The following SLC30A4 variants were observed in gnomAD, a reference collection of about 807,000 sequenced individuals.
SLC30A4 encodes probable proton-coupled zinc antiporter SLC30A4.
Under a neutral mutation model 41.7 loss-of-function variants are expected in SLC30A4, and 20 were observed. The ratio of observed to expected loss-of-function variants is 0.48; its 90% CI spans 0.34 to 0.70. The LOEUF is 0.70. SLC30A4 is among the 30% of genes least tolerant of loss of function. The pLI is 0.01. For missense variants in SLC30A4, 441 were observed against 529.3 expected (o/e 0.83, Z 1.64); for synonymous variants, 181 against 195.9 (o/e 0.92, Z 0.64).
intron 3 of SLC30A4, among the ~76,000 whole-genome samples, chr15:45,507,475 CCTGGTTCTGTTCTT>C (rs1892185888): frequency 6.6e-6 from 1 of 150,710 alleles, no homozygotes; most frequent in African/African-American, 2.4e-5. Context: ...AAACTTTTCT[CCTGGTTCTGTTCTT>C]TTCTTTTTCC....
At chr15:45,495,278 T>C (rs1891889298) in intron 3 of SLC30A4, among the ~76,000 whole-genome samples, 1 of 152,240 alleles carries the variant, frequency 6.6e-6, no homozygotes, top group African/African-American at 2.4e-5. Flanking sequence ...TCAAAACCCC[T>C]TATATAATTA....
At chr15:45,509,945 G>A (rs932725402) in intron 3 of SLC30A4, among the ~76,000 whole-genome samples, 10 of 152,114 alleles carry the variant, frequency 6.6e-5, no homozygotes, top group Admixed American at 4.6e-4. Flanking sequence ...GCTAGTGCAC[G>A]CCTATAGTCC....
intron 3 of SLC30A4, among the ~76,000 whole-genome samples, chr15:45,491,780 A>G (rs7165846): frequency 0.085 from 12,881 of 152,048 alleles, 1,815 homozygotes; most frequent in African/African-American, 0.29. Flanking sequence ...GAGGTGGGAG[A>G]ATTGTTTAAA....
intron 3 of SLC30A4, among the ~76,000 whole-genome samples, chr15:45,500,304 C>T (rs989470066): frequency 6.6e-6 from 1 of 152,144 alleles, no homozygotes; most frequent in African/African-American, 2.4e-5. Context: ...ATTTTCCTTA[C>T]CACATTATTT....
At position 45,487,808 on chromosome 15, in the gene SLC30A4, G is replaced by A. The variant is rs144886450; in HGVS notation, c.895-176C>T. Among the ~76,000 whole-genome samples, 282 of 152,218 alleles carry A rather than the reference G, an allele frequency of 1.9e-3. No individual in the cohort carries two copies. In the Middle Eastern group the frequency reaches 0.044, roughly 24 times the overall value. ...CTTCACTCTATCCTAGACAGTTTAC[G>A]TTACTTGCCTCATGGGACCTATTTC... is the stretch of plus-strand genomic sequence containing the variant. On this transcript the variant is annotated intron_variant, in intron 5 of 7. Transcript: ENST00000261867.
At chr15:45,500,462 G>T (rs767238288) in intron 3 of SLC30A4, among the ~76,000 whole-genome samples, 55 of 152,094 alleles carry the variant, frequency 3.6e-4, no homozygotes, top group Non-Finnish European at 7.1e-4. Context: ...GTTCTAAGTG[G>T]TAAGAACTAA....
intron 2 of SLC30A4, chr15:45,515,632 G>A (rs375579955): frequency 5.9e-5 from 9 of 151,934 alleles, no homozygotes; most frequent in Admixed American, 1.3e-4. Flanking sequence ...CAGCCTGGGC[G>A]ACAGTGCAAG....
intron 3 of SLC30A4, among the ~76,000 whole-genome samples, chr15:45,496,028 T>C (rs1226192882): frequency 6.6e-6 from 1 of 152,122 alleles, no homozygotes; most frequent in East Asian, 1.9e-4. Flanking sequence ...TCTTCTGGGA[T>C]AGAGTAGTAA....
chr15:45,487,960 A>AGTGTGTGTGTGTGT (rs58392709), intron 5 of SLC30A4, among the ~76,000 whole-genome samples: 42 of 139,778 alleles, frequency 3.0e-4, no homozygotes, highest in African/African-American at 1.1e-3. Context: ...GCTGGAAAAA[A>AGTGTGTGTGTGTGT]GTGTGTGTGT....
chr15:45,490,365 A>T (rs1036039293), intron 4 of SLC30A4, among the ~76,000 whole-genome samples: 2 of 152,206 alleles, frequency 1.3e-5, no homozygotes, highest in Admixed American at 6.5e-5. Context: ...TTGGGACTAT[A>T]GGTGTGAACC....
Position 45,489,022 on chromosome 15 carries a change from T to C in SLC30A4, c.713A>G (p.Gln238Arg). 3 of 1,613,138 alleles carry C rather than the reference T, an allele frequency of 1.9e-6. No homozygotes were observed. Among genetic ancestry groups the C allele is most frequent in the Non-Finnish European group, 2.5e-6 (3 of 1,179,366 alleles). ...VNVIMGFLLN[Q>R]SGHRHSHSHS... ...GGAATGGGAGTGACGGTGACCAGAC[T>C]GGTTCAACAGAAACCCCATTCTGTT... The change falls in exon 5 of 8, where the codon CAG (glutamine) becomes CGG (arginine). Residue 238 changes from glutamine to arginine, a missense_variant. Transcript: ENST00000261867.
intron 2 of SLC30A4, among the ~76,000 whole-genome samples, chr15:45,521,289 T>C (rs990705485): frequency 1.3e-5 from 2 of 152,232 alleles, no homozygotes; most frequent in African/African-American, 4.8e-5. Context: ...AAAACCAGGC[T>C]CATAGAACTT....
intron 3 of SLC30A4, among the ~76,000 whole-genome samples, chr15:45,492,313 C>T (rs547402341): frequency 1.3e-5 from 2 of 149,830 alleles, no homozygotes; most frequent in East Asian, 3.9e-4. Context: ...TACCACACAA[C>T]CATTTATTTT....
chr15:45,491,029 A>T, intron 3 of SLC30A4, 148 bp from the exon 4 acceptor site: 1 of 545,200 alleles, frequency 1.8e-6, no homozygotes, highest in Non-Finnish European at 3.0e-6. Context: ...TTTCTTATTT[A>T]TTTTTTTGAG....
intron 2 of SLC30A4, 72 bp downstream of exon 2, chr15:45,521,892 C>A (rs1295713271): frequency 2.0e-6 from 3 of 1,474,548 alleles, no homozygotes; most frequent in African/African-American, 2.8e-5. Context: ...AACCTCAAAG[C>A]CTGTGTAACT....
chr15:45,517,345 C>CTTTTTTTTTTTTTTT (rs1166130286), intron 2 of SLC30A4, among the ~76,000 whole-genome samples: 2 of 65,576 alleles, frequency 3.0e-5, no homozygotes, highest in Non-Finnish European at 5.4e-5. Context: ...CCAATCCATT[C>CTTTTTTTTTTTTTTT]TTTTTTTTTT....
chr15:45,480,398 A>G lies in SLC30A4; in HGVS notation c.*4765T>C, dbSNP rs1022332873. On this transcript the variant is annotated 3_prime_UTR_variant, in exon 8 of 8. Coordinates refer to ENST00000261867, the MANE Select transcript of SLC30A4 (RefSeq NM_013309.6). Reference sequence around the variant, plus strand: ...CAAATCTCAAGACCTGGTTGTCAAGATTCATACGACACATCTGGAGTTAGG... The same window carrying G: ...CAAATCTCAAGACCTGGTTGTCAAGGTTCATACGACACATCTGGAGTTAGG... The G allele has an allele frequency of 3.9e-5, 6 of 152,242 alleles. No homozygotes were observed. Among genetic ancestry groups the G allele is most frequent in the African/African-American group, 1.4e-4 (6 of 41,466 alleles). The allele number at this position is 152,242 out of a possible 1,614,324, so 9.4% of individuals were successfully genotyped here. A position where few individuals can be genotyped will look rare whatever the true frequency, so the allele number is the denominator to read the frequency against.
chr15:45,520,949 A>C, intron 2 of SLC30A4: 1 of 437,624 alleles, frequency 2.3e-6, no homozygotes, highest in Non-Finnish European at 4.6e-6. Context: ...AGGCAAAAAG[A>C]GCTTTGTGAG....
chr15:45,518,630 T>A (rs1344276443), intron 2 of SLC30A4, among the ~76,000 whole-genome samples: 3 of 152,162 alleles, frequency 2.0e-5, no homozygotes, highest in Non-Finnish European at 4.4e-5. Flanking sequence ...CAGCCGGATC[T>A]CAGCTCACTG....
Sources: allele counts gnomAD v4.1 joint callset (sites outside exome capture counted in the v4.1 genomes callset), GRCh38; gene constraint gnomAD v4.1.1; transcripts MANE v1.5; gene names NCBI Gene and HGNC (gene_info 2026-07-23, HGNC 2026-07-21).